Variants in LRRK1 observed in about 807,000 individuals in gnomAD.
LRRK1 encodes the protein leucine rich repeat kinase 1.
In LRRK1, 113 loss-of-function variants were observed where a neutral mutation model predicts 209.1. The observed-to-expected ratio is 0.54, with a 90% CI of 0.46 to 0.63. LRRK1 has a LOEUF of 0.63. Ranked by LOEUF, LRRK1 falls within the 30% of genes least tolerant of loss-of-function variation. LRRK1 has a pLI of 0.00. For synonymous variants in LRRK1, 1,144 were observed against 1,099.7 expected (o/e 1.04, Z -0.80); for missense variants, 2,284 against 2,632.2 (o/e 0.87, Z 2.89).
intron 20 of LRRK1, among the ~76,000 whole-genome samples, chr15:101,037,897 A>T (rs1036989033): frequency 3.9e-5 from 6 of 152,256 alleles, no homozygotes; most frequent in African/African-American, 1.4e-4. Flanking sequence ...AGAAGTCATT[A>T]TACAAAAAAG....
At chr15:101,056,641 AGAAG>A (rs1266696818) in intron 27 of LRRK1, among the ~76,000 whole-genome samples, 2 of 152,202 alleles carry the variant, frequency 1.3e-5, no homozygotes, top group Non-Finnish European at 2.9e-5. Flanking sequence ...ATGGATGGAA[AGAAG>A]GAAGGGTGAG....
rs750298507 is a variant in LRRK1 at position 101,027,689 on chromosome 15, C to T, written c.2578C>T (p.Arg860Cys). The T allele has an allele frequency of 2.2e-5, 35 of 1,613,018 alleles. No individual in the cohort carries two copies. In the South Asian group the frequency reaches 2.5e-4, roughly 12 times the overall value. The change falls in exon 19 of 34, where the codon CGC becomes TGC. Residue 860 changes from arginine (R) to cysteine (C), a missense_variant. By Grantham distance (180) the Arg-to-Cys change is radical. This residue lies in a region of LRRK1 where 780 missense variants were observed against 985.2 expected (regional missense o/e 0.79). Coordinates refer to ENST00000388948, the MANE Select transcript of LRRK1 (RefSeq NM_024652.6). This position sits in a 1 kb window ranked among gnomAD's most constrained non-coding sequence, Gnocchi z 5.1. ...GGAGGCCGTGCTGGCAGAGCAGCAG[C>T]GCCGCAGCCGGGACGACGACGTGCA... The part of the protein sequence containing the change: ...LQEAVLAEQQ[R>C]RSRDDDVQYL...
intron 2 of LRRK1, among the ~76,000 whole-genome samples, chr15:100,945,180 A>G (rs2042512092): frequency 6.6e-6 from 1 of 152,174 alleles, no homozygotes. Flanking sequence ...CACATTCCCA[A>G]AGTGATGGGT....
chr15:100,923,685 C>T (rs902055023), intron 1 of LRRK1, among the ~76,000 whole-genome samples: 3 of 152,218 alleles, frequency 2.0e-5, no homozygotes, highest in African/African-American at 7.2e-5. Flanking sequence ...AGCACTTGGT[C>T]TCAGTTTATC....
intron 2 of LRRK1, among the ~76,000 whole-genome samples, chr15:100,960,748 G>A (rs2029888617): frequency 6.6e-6 from 1 of 152,174 alleles, no homozygotes; most frequent in African/African-American, 2.4e-5. Flanking sequence ...CTAAATATTT[G>A]TAGAACGAAT....
chr15:100,956,455 C>CTTTTTCTTTTCTTTTTTTTTTTTTTTT lies in LRRK1; in HGVS notation c.98-17344_98-17343insCTTTTCTTTTTTTTTTTTTTTTTTTTT. ...TTCGCTTTTCTTTCCTTTTTTTTTT[C>CTTTTTCTTTTCTTTTTTTTTTTTTTTT]TTTTTTTTTTTTTTTTTTGAGACAG... On this transcript the variant is annotated intron_variant, in intron 2 of 33. Coordinates refer to ENST00000388948, the MANE Select transcript of LRRK1 (RefSeq NM_024652.6). Among the ~76,000 whole-genome samples, 45 of 60,536 alleles carry CTTTTTCTTTTCTTTTTTTTTTTTTTTT rather than the reference C, an allele frequency of 7.4e-4. 5 individuals carry two copies. Among genetic ancestry groups the CTTTTTCTTTTCTTTTTTTTTTTTTTTT allele is most frequent in the African/African-American group, 2.2e-3 (26 of 11,720 alleles). 39.7% of individuals were successfully genotyped at this position (60,536 alleles called of 152,430 possible). A position where few individuals can be genotyped will look rare whatever the true frequency, so the allele number is the denominator to read the frequency against.
chr15:101,015,416 G>A lies in LRRK1; in HGVS notation c.1609+14G>A, dbSNP rs770668015. 5.6e-6 allele frequency: 9 copies of A among 1,605,398 alleles called. No individual in the cohort carries two copies. The highest frequency in any genetic ancestry group is 6.8e-6 in the Non-Finnish European group (8 of 1,174,072). ...GGACTGAGGCAGGTGTGTGTGGGTT[G>A]GGAGACGGTGTTCCCAGATGAGACA... is the stretch of plus-strand genomic sequence containing the variant. On this transcript the variant is annotated intron_variant, in intron 12 of 33. Coordinates refer to ENST00000388948, the MANE Select transcript of LRRK1 (RefSeq NM_024652.6).
At position 100,989,413 on chromosome 15, in the gene LRRK1, C is replaced by A. The variant is rs888774109; in HGVS notation, c.762+15C>A. On this transcript the variant is annotated intron_variant, in intron 6 of 33. Transcript: ENST00000388948. ...CGGGAAAAACAGTGAGTAGTCACTG[C>A]CTGTGGAGTGTGTTTTAGTTCCTTT... 22 of 1,612,412 alleles carry A rather than the reference C, an allele frequency of 1.4e-5. No individual in the cohort carries two copies. Among genetic ancestry groups the A allele is most frequent in the Non-Finnish European group, 1.7e-5 (20 of 1,178,768 alleles).
chr15:101,058,926 T>G (rs1397664522), intron 29 of LRRK1, among the ~76,000 whole-genome samples: 11 of 152,072 alleles, frequency 7.2e-5, no homozygotes, highest in African/African-American at 2.7e-4. Flanking sequence ...GAGTGTGACC[T>G]TTGGGGAGGA....
At chr15:101,017,202 T>G (rs902167762) in intron 12 of LRRK1, among the ~76,000 whole-genome samples, 1 of 152,070 alleles carries the variant, frequency 6.6e-6, no homozygotes, top group South Asian at 2.1e-4. Flanking sequence ...GTACAGATAG[T>G]ATGAGGTAGG....
At chr15:100,921,123 T>C (rs1199388508) in intron 1 of LRRK1, among the ~76,000 whole-genome samples, 1 of 152,238 alleles carries the variant, frequency 6.6e-6, no homozygotes, top group African/African-American at 2.4e-5. Context: ...TCTTGTGGTC[T>C]CCACTGGAGC....
Position 101,069,189 on chromosome 15 carries a change from A to C in LRRK1, c.*341A>C. 5.4e-6 allele frequency: 1 copy of C among 185,142 alleles called. No individual in the cohort carries two copies. Among genetic ancestry groups the C allele is most frequent in the East Asian group, 1.3e-4 (1 of 7,488 alleles). 11.5% of individuals were successfully genotyped at this position (185,142 alleles called of 1,614,324 possible). A position where few individuals can be genotyped will look rare whatever the true frequency, so the allele number is the denominator to read the frequency against. ...ATCCTGTTCTGAGCTGGGTCAAACA[A>C]AGCAGGGCCGGGCCTTCCTGCCATC... is the stretch of plus-strand genomic sequence containing the variant. On this transcript the variant is annotated 3_prime_UTR_variant, in exon 34 of 34. Transcript: ENST00000388948.
chr15:100,941,456 C>CTGTGTGTGTGTCTGTG (rs1567191180), intron 2 of LRRK1, among the ~76,000 whole-genome samples: 2 of 5,640 alleles, frequency 3.5e-4, no homozygotes, highest in African/African-American at 5.1e-4. Flanking sequence ...CTGTGTGTGT[C>CTGTGTGTGTGTCTGTG]TATGTCTCTG....
chr15:101,003,501 A>C (rs1304142482), intron 6 of LRRK1, among the ~76,000 whole-genome samples: 1 of 152,234 alleles, frequency 6.6e-6, no homozygotes, highest in Non-Finnish European at 1.5e-5. Context: ...TAATGGACTC[A>C]CAGTTCCACA....
intron 2 of LRRK1, among the ~76,000 whole-genome samples, chr15:100,962,821 A>T (rs372362707): frequency 0.03 from 444 of 14,666 alleles, 34 homozygotes; most frequent in African/African-American, 0.086. Context: ...ATATATATAT[A>T]TATTTTTTTT....
chr15:101,043,535 G>A (rs909654837), intron 20 of LRRK1, among the ~76,000 whole-genome samples: 1 of 152,106 alleles, frequency 6.6e-6, no homozygotes, highest in African/African-American at 2.4e-5. Context: ...GAGGAGATAC[G>A]AGTACTCAGT....
At position 101,025,950 on chromosome 15, in the gene LRRK1, G is replaced by A. The variant is rs1196992641; in HGVS notation, c.2233-15G>A. Reference sequence around the variant, plus strand: ...GAACAGAGACAGTACTCAGCCGTGGGGTTCTCTGTTGCAGGCCAAGGCCCC... The same window carrying A: ...GAACAGAGACAGTACTCAGCCGTGGAGTTCTCTGTTGCAGGCCAAGGCCCC... On this transcript the variant is annotated splice_polypyrimidine_tract_variant and intron_variant, in intron 16 of 33. Coordinates refer to ENST00000388948, the MANE Select transcript of LRRK1 (RefSeq NM_024652.6). 13 of 1,613,968 alleles carry A rather than the reference G, an allele frequency of 8.1e-6. No individual in the cohort carries two copies. Among genetic ancestry groups the A allele is most frequent in the East Asian group, 6.7e-5 (3 of 44,878 alleles).
chr15:101,012,489 C>A (rs181731144), intron 10 of LRRK1, among the ~76,000 whole-genome samples: 1 of 152,312 alleles, frequency 6.6e-6, no homozygotes. Context: ...AATACGGGTA[C>A]CTTCTCGCTT....
chr15:100,942,480 T>C lies in LRRK1; in HGVS notation c.97+17751T>C, dbSNP rs75153194. Among the ~76,000 whole-genome samples, 1,415 of 152,294 alleles carry C rather than the reference T, an allele frequency of 9.3e-3. 26 individuals carry two copies. The highest frequency in any genetic ancestry group is 0.032 in the African/African-American group (1,336 of 41,548). The stretch of plus-strand genomic sequence containing the variant: ...TACAAAATGGTGAGTCCGATTTTAT[T>C]TGGCTCTAAGCTAGAGAAGGCATGG... On this transcript the variant is annotated intron_variant, in intron 2 of 33. Coordinates refer to ENST00000388948, the MANE Select transcript of LRRK1 (RefSeq NM_024652.6).
Sources: gnomAD v4.1 joint callset for allele counts (sites outside exome capture counted in the v4.1 genomes callset) on GRCh38, gnomAD v4.1.1 for gene constraint, gnomAD v4.1.1 regional missense constraint, Gnocchi (gnomAD v3.1) non-coding constraint, MANE v1.5 for transcripts, NCBI Gene and HGNC (gene_info 2026-07-23, HGNC 2026-07-21) for gene names.